Variants in ATP2C1 observed in about 807,000 individuals in gnomAD.
ATP2C1 encodes ATPase secretory pathway Ca2+ transporting 1.
A neutral mutation model predicts 120.5 loss-of-function variants in ATP2C1; 31 were observed. The observed-to-expected ratio is 0.26, with a 90% CI of 0.19 to 0.35. The LOEUF (loss-of-function observed/expected upper bound fraction) is 0.35. Ranked by LOEUF, ATP2C1 falls within the 10% of genes least tolerant of loss-of-function variation. The pLI is 1.00. For missense variants in ATP2C1, 731 were observed against 1,107.5 expected (o/e 0.66, Z 4.83); for synonymous variants, 351 against 358.7 (o/e 0.98, Z 0.24).
At chr3:131,011,673 C>T (rs13076493) in intron 26 of ATP2C1, among the ~76,000 whole-genome samples, 33,219 of 152,112 alleles carry the variant, frequency 0.22, 3,816 homozygotes, top group African/African-American at 0.28. Context: ...TCCTGGTGAC[C>T]GCTGTTTCCT....
intron 9 of ATP2C1, 138 bp downstream of exon 9, chr3:130,954,114 T>A (rs765407539): frequency 5.6e-6 from 5 of 894,000 alleles, no homozygotes; most frequent in Non-Finnish European, 8.8e-6. Context: ...TACATCTATT[T>A]GTGAAACTGG....
At chr3:130,978,983 AT>A (rs2061641977) in intron 18 of ATP2C1, among the ~76,000 whole-genome samples, 1 of 152,134 alleles carries the variant, frequency 6.6e-6, no homozygotes, top group Non-Finnish European at 1.5e-5. Context: ...ATGTGAAAAT[AT>A]TGTTCATTTT....
At chr3:130,931,260 G>A (rs2059437126) in intron 3 of ATP2C1, among the ~76,000 whole-genome samples, 1 of 151,942 alleles carries the variant, frequency 6.6e-6, no homozygotes, top group South Asian at 2.1e-4. Flanking sequence ...CAACTATTTT[G>A]GGGGTACAGA....
At chr3:131,000,857 C>G (rs2062849071) in intron 27 of ATP2C1, among the ~76,000 whole-genome samples, 1 of 152,116 alleles carries the variant, frequency 6.6e-6, no homozygotes, top group South Asian at 2.1e-4. Context: ...AATCCCAATA[C>G]TTCGGGAGGC....
chr3:130,912,436 G>A (rs536978206), intron 2 of ATP2C1, among the ~76,000 whole-genome samples: 9 of 151,374 alleles, frequency 5.9e-5, no homozygotes, highest in South Asian at 2.1e-4. Flanking sequence ...TCAAAAAGTG[G>A]GCGAAAGACA....
At chr3:130,896,820 G>A (rs75773153) in intron 2 of ATP2C1, among the ~76,000 whole-genome samples, 3,998 of 152,248 alleles carry the variant, frequency 0.026, 183 homozygotes, top group African/African-American at 0.091. Context: ...GAGAAACCCT[G>A]TATAAATTCT....
At chr3:130,972,866 A>T (rs2061390991) in intron 17 of ATP2C1, among the ~76,000 whole-genome samples, 1 of 152,112 alleles carries the variant, frequency 6.6e-6, no homozygotes, top group South Asian at 2.1e-4. Context: ...ATTACTAGAT[A>T]CTTGGAGAAA....
chr3:130,898,689 T>C (rs1559895246), intron 2 of ATP2C1, among the ~76,000 whole-genome samples: 1 of 152,168 alleles, frequency 6.6e-6, no homozygotes, highest in Non-Finnish European at 1.5e-5. Flanking sequence ...TTCATATTTT[T>C]GTCATTCATT....
upstream of ATP2C1, among the ~76,000 whole-genome samples, chr3:130,890,980 G>A (rs1335081939): frequency 6.6e-6 from 1 of 152,154 alleles, no homozygotes; most frequent in African/African-American, 2.4e-5. Context: ...GGTAGGCCGA[G>A]GCAAGAGGAT....
chr3:130,855,056 T>G lies in ATP2C1; in HGVS notation c.108+4128T>G, dbSNP rs1198105798. Among the ~76,000 whole-genome samples the G allele has an allele frequency of 7.9e-5, 12 of 152,180 alleles. No homozygotes were observed. In the East Asian group the frequency reaches 2.1e-3, roughly 27 times the overall value. ...CCTCTCTTTTTCCCTTTCTCCCCCT[T>G]ACGTCCCCTTCCTAATCCTTTAGTA... On this transcript the variant is annotated intron_variant, in intron 1 of 26. Transcript: ENST00000504381.
intron 20 of ATP2C1, among the ~76,000 whole-genome samples, chr3:130,987,947 T>C (rs897616668): frequency 2.0e-5 from 3 of 152,230 alleles, no homozygotes; most frequent in Non-Finnish European, 2.9e-5. Context: ...TATGACTTTT[T>C]CTAGTGTGTC....
chr3:130,905,811 A>T (rs1436036130), intron 2 of ATP2C1, among the ~76,000 whole-genome samples: 5 of 152,092 alleles, frequency 3.3e-5, no homozygotes, highest in Non-Finnish European at 1.5e-5. Flanking sequence ...CAGCAGTTAA[A>T]GGACATGTGC....
intron 2 of ATP2C1, among the ~76,000 whole-genome samples, chr3:130,903,139 C>T (rs764321065): frequency 2.6e-5 from 4 of 151,932 alleles, no homozygotes; most frequent in Non-Finnish European, 5.9e-5. Context: ...TACTAATGTA[C>T]GTTTTATTAA....
upstream of ATP2C1, among the ~76,000 whole-genome samples, chr3:130,889,459 GTTATCTT>G (rs1246244012): frequency 1.3e-5 from 2 of 152,086 alleles, no homozygotes; most frequent in Admixed American, 1.3e-4. Flanking sequence ...CCTCAACACT[GTTATCTT>G]TTAATTTCAA....
intron 20 of ATP2C1, among the ~76,000 whole-genome samples, chr3:130,990,333 A>G (rs1458992893): frequency 7.2e-6 from 1 of 138,352 alleles, no homozygotes; most frequent in African/African-American, 2.6e-5. Context: ...TGAAATTTTT[A>G]TATAGTAAGA....
intron 2 of ATP2C1, among the ~76,000 whole-genome samples, chr3:130,927,267 G>A (rs935511217): frequency 4.1e-5 from 6 of 147,682 alleles, no homozygotes; most frequent in African/African-American, 1.5e-4. Context: ...TTGAGACAGA[G>A]TCTCGCTCTG....
chr3:130,919,364 A>G (rs936346107), intron 2 of ATP2C1, among the ~76,000 whole-genome samples: 3 of 151,790 alleles, frequency 2.0e-5, no homozygotes, highest in African/African-American at 7.3e-5. Context: ...AGTTGGGATT[A>G]TAGACGCCCA....
At chr3:130,970,871 G>T (rs2061280745) in intron 17 of ATP2C1, among the ~76,000 whole-genome samples, 2 of 152,016 alleles carry the variant, frequency 1.3e-5, no homozygotes, top group Non-Finnish European at 2.9e-5. Flanking sequence ...TAAAAGAAAG[G>T]CCAGGTTGGT....
intron 1 of ATP2C1, among the ~76,000 whole-genome samples, chr3:130,888,959 C>A (rs1057152470): frequency 3.9e-5 from 6 of 152,164 alleles, no homozygotes; most frequent in Admixed American, 3.3e-4. Flanking sequence ...GAATATTAAA[C>A]ACTGAAATAA....
Sources: gnomAD v4.1 joint callset for allele counts (sites outside exome capture counted in the v4.1 genomes callset) on GRCh38, gnomAD v4.1.1 for gene constraint, MANE v1.5 for transcripts, NCBI Gene and HGNC (gene_info 2026-07-23, HGNC 2026-07-21) for gene names.